Variants in ASTN2 observed in about 807,000 individuals in gnomAD.
The protein encoded by ASTN2 is astrotactin-2.
ASTN2 carries 54 observed loss-of-function variants against 139.8 expected under a neutral mutation model. The ratio of observed to expected loss-of-function variants is 0.39; its 90% CI spans 0.31 to 0.48. The LOEUF is 0.48. Ranked by LOEUF, ASTN2 falls within the 20% of genes least tolerant of loss-of-function variation. ASTN2 has a pLI of 0.95. For synonymous variants in ASTN2, 756 were observed against 719.5 expected, an observed-to-expected ratio of 1.05 and a Z score of -0.81; for missense variants, 1,565 against 1,725.1, an observed-to-expected ratio of 0.91 and a Z score of 1.64.
At chr9:116,545,035 A>G (rs1189517124) in intron 19 of ASTN2, among the ~76,000 whole-genome samples, 1 of 152,154 alleles carries the variant, frequency 6.6e-6, no homozygotes, top group Non-Finnish European at 1.5e-5. Flanking sequence ...GCTCCTCCTC[A>G]GCCTTGGGAC....
chr9:116,854,613 C>T (rs1832689495), intron 11 of ASTN2, among the ~76,000 whole-genome samples: 2 of 150,114 alleles, frequency 1.3e-5, no homozygotes, highest in Admixed American at 6.6e-5. Flanking sequence ...AGGAGTGCAG[C>T]TTCCATTTCC....
chr9:117,385,953 G>A (rs956313994), intron 1 of ASTN2, among the ~76,000 whole-genome samples: 3 of 152,060 alleles, frequency 2.0e-5, no homozygotes, highest in African/African-American at 7.2e-5. Context: ...AGCCCCAAAG[G>A]GGCAATGGTG....
At chr9:116,915,037 A>C (rs1267077782) in intron 10 of ASTN2, among the ~76,000 whole-genome samples, 1 of 152,214 alleles carries the variant, frequency 6.6e-6, no homozygotes, top group Non-Finnish European at 1.5e-5. Flanking sequence ...GGGCAGCTCC[A>C]CAGCCCCTTC....
At chr9:117,380,509 G>T (rs918281879) in intron 1 of ASTN2, among the ~76,000 whole-genome samples, 15 of 151,516 alleles carry the variant, frequency 9.9e-5, no homozygotes, top group African/African-American at 3.6e-4. Flanking sequence ...GGAGGCTGAG[G>T]CAGGAGAATC....
At chr9:117,180,920 G>T (rs928782829) in intron 3 of ASTN2, 5 of 1,594,402 alleles carry the variant, frequency 3.1e-6, no homozygotes, top group Non-Finnish European at 4.3e-6. Flanking sequence ...TCCTTGTTCT[G>T]CAGCTTGGTG....
intron 7 of ASTN2, among the ~76,000 whole-genome samples, chr9:116,997,325 A>G (rs1319212615): frequency 6.6e-6 from 1 of 152,182 alleles, no homozygotes; most frequent in Non-Finnish European, 1.5e-5. Flanking sequence ...CTTCTACAAC[A>G]TAACATTTTA....
intron 1 of ASTN2, among the ~76,000 whole-genome samples, chr9:117,346,639 G>A (rs377611201): frequency 2.0e-5 from 3 of 152,058 alleles, no homozygotes; most frequent in East Asian, 3.9e-4. Flanking sequence ...TTAAATATGG[G>A]GAAAAATAAC....
chr9:116,997,575 A>C, intron 7 of ASTN2, among the ~76,000 whole-genome samples: 1 of 152,196 alleles, frequency 6.6e-6, no homozygotes, highest in East Asian at 1.9e-4. Context: ...GGGGAATCCC[A>C]GAATGCCTCT....
intron 16 of ASTN2, among the ~76,000 whole-genome samples, chr9:116,715,502 C>G (rs1037128547): frequency 1.4e-4 from 22 of 152,132 alleles, no homozygotes; most frequent in African/African-American, 5.1e-4. Flanking sequence ...TGCCTACTCA[C>G]CCTTAGGTTC....
chr9:116,829,811 T>C (rs971758540), intron 11 of ASTN2, among the ~76,000 whole-genome samples: 1 of 152,200 alleles, frequency 6.6e-6, no homozygotes, highest in Admixed American at 6.5e-5. Flanking sequence ...TAAATGGTAC[T>C]GAAAAATTGG....
chr9:116,825,991 T>C (rs1032086398), intron 11 of ASTN2, among the ~76,000 whole-genome samples: 1 of 152,312 alleles, frequency 6.6e-6, no homozygotes, highest in Non-Finnish European at 1.5e-5. Context: ...ACTGCCCTGC[T>C]GCAGGCTGCT....
At chr9:117,171,740 C>A (rs571849934) in intron 3 of ASTN2, among the ~76,000 whole-genome samples, 1 of 152,040 alleles carries the variant, frequency 6.6e-6, no homozygotes, top group Non-Finnish European at 1.5e-5. Flanking sequence ...CACCTTCGGC[C>A]ATAATTGTAA....
intron 13 of ASTN2, among the ~76,000 whole-genome samples, chr9:116,794,667 C>T (rs919731183): frequency 9.2e-5 from 14 of 152,172 alleles, no homozygotes; most frequent in African/African-American, 3.4e-4. Flanking sequence ...AGCGTATGAG[C>T]ATCAATCTGC....
intron 13 of ASTN2, among the ~76,000 whole-genome samples, chr9:116,782,800 TAC>T (rs1042350595): frequency 7.4e-6 from 1 of 135,894 alleles, no homozygotes; most frequent in African/African-American, 3.8e-5. Context: ...AACAATCTCT[TAC>T]TTACCCTTCA....
At chr9:116,706,376 G>A (rs1478516185) in intron 16 of ASTN2, among the ~76,000 whole-genome samples, 1 of 151,978 alleles carries the variant, frequency 6.6e-6, no homozygotes, top group Non-Finnish European at 1.5e-5. Context: ...ATCTGGACAT[G>A]CCAGTAAGAA....
At chr9:116,481,528 A>T (rs1037760890) in intron 20 of ASTN2, among the ~76,000 whole-genome samples, 4 of 152,250 alleles carry the variant, frequency 2.6e-5, no homozygotes, top group Non-Finnish European at 5.9e-5. Flanking sequence ...TAGGGGATGC[A>T]GATTCACAAA....
At position 117,274,146 on chromosome 9, in the gene ASTN2, C is replaced by T. The variant is rs184543596; in HGVS notation, c.630+17180G>A. Among the ~76,000 whole-genome samples the T allele has an allele frequency of 2.4e-3, 370 of 152,032 alleles. 1 individual carries two copies. Among genetic ancestry groups the T allele is most frequent in the Middle Eastern group, 0.01 (3 of 292 alleles). ...CAGATGGATCATGAAGTCAGGAGAT[C>T]GAGACCATCCTGGCTAACATGGCGA... On this transcript the variant is annotated intron_variant, in intron 2 of 22. Transcript: ENST00000313400.
At chr9:116,529,187 G>A (rs560157690) in intron 19 of ASTN2, among the ~76,000 whole-genome samples, 2 of 152,240 alleles carry the variant, frequency 1.3e-5, no homozygotes, top group Non-Finnish European at 2.9e-5. Context: ...AGCCATGGGG[G>A]CTTACCCTGC....
intron 19 of ASTN2, among the ~76,000 whole-genome samples, chr9:116,590,981 T>G (rs990476117): frequency 2.6e-5 from 4 of 152,202 alleles, no homozygotes; most frequent in Admixed American, 2.0e-4. Context: ...ATGAAGCTCC[T>G]CTTTGCCGTG....
Sources: allele counts gnomAD v4.1 joint callset (sites outside exome capture counted in the v4.1 genomes callset), GRCh38; gene constraint gnomAD v4.1.1; transcripts MANE v1.5; gene names NCBI Gene and HGNC (gene_info 2026-07-23, HGNC 2026-07-21).